The following CEP350 variants were observed in gnomAD, a reference collection of about 807,000 sequenced individuals.
CEP350 encodes the protein centrosomal protein 350.
Under a neutral mutation model 331.8 loss-of-function variants are expected in CEP350, and 126 were observed. That is an observed-to-expected ratio of 0.38 (90% CI 0.33 to 0.44). The LOEUF is 0.44. Among genes scored for constraint, CEP350 ranks in the 20% least tolerant of loss-of-function variants. The probability of loss-of-function intolerance (pLI) is 1.00; values close to 1 mark genes in which losing one functional copy is unlikely to be tolerated. For missense variants in CEP350, 3,406 were observed against 3,634.6 expected, an observed-to-expected ratio of 0.94 and a Z score of 1.62; for synonymous variants, 1,200 against 1,259.5, an observed-to-expected ratio of 0.95 and a Z score of 1.00.
In CEP350 at chr1:180,036,976, C is replaced by G. The variant is rs1201717500; in HGVS notation, c.3997C>G (p.Leu1333Val). Reference sequence around the variant, plus strand: ...CCTCCATCATCGTATGGCAGCAGAACTCAGTTATCTGAACGCCATTGAGGA... The same window carrying G: ...CCTCCATCATCGTATGGCAGCAGAAGTCAGTTATCTGAACGCCATTGAGGA... ...AGLHHRMAAELSYLNAIEESV... is the reference protein window; with the variant it reads ...AGLHHRMAAEVSYLNAIEESV... The change falls in exon 17 of 38, where the codon CTC becomes GTC. Residue 1333 changes from leucine to valine, a missense_variant. Coordinates refer to ENST00000367607, the MANE Select transcript of CEP350 (RefSeq NM_014810.5). The G allele has an allele frequency of 6.3e-7, 1 of 1,594,684 alleles. No homozygotes were observed. Among genetic ancestry groups the G allele is most frequent in the South Asian group, 1.2e-5 (1 of 86,940 alleles).
intron 1 of CEP350, among the ~76,000 whole-genome samples, chr1:179,959,616 T>C (rs984965777): frequency 4.6e-5 from 7 of 151,992 alleles, no homozygotes; most frequent in Non-Finnish European, 1.5e-5. Flanking sequence ...TAGCTGGGCA[T>C]GGTGGCAGGC....
intron 1 of CEP350, chr1:179,968,938 C>G (rs950180514): frequency 6.6e-6 from 5 of 757,792 alleles, no homozygotes; most frequent in Non-Finnish European, 1.2e-5. Context: ...TGGAGCCACT[C>G]CAATTGCTGA....
chr1:179,996,966 T>A lies in CEP350; in HGVS notation c.809T>A (p.Leu270Ter). ...ACTAGTACTTCTAATTCCCAAAGAT[T>A]AGATATTCTAAAGCGGCGACAACAT... ...SSTSTSNSQR[L>*]DILKRRQHDV... Residue 270 changes from leucine (L) to a stop codon, truncating the protein, a stop_gained, in exon 6 of 38, where the codon TTA becomes TAA. Coordinates refer to ENST00000367607, the MANE Select transcript of CEP350 (RefSeq NM_014810.5). LOFTEE classifies it high-confidence loss of function. 6.2e-7 allele frequency: 1 copy of A among 1,614,014 alleles called. No individual in the cohort carries two copies. Among genetic ancestry groups the A allele is most frequent in the African/African-American group, 1.3e-5 (1 of 75,038 alleles).
chr1:180,050,181 C>T (rs1334141262), intron 22 of CEP350, among the ~76,000 whole-genome samples: 4 of 152,144 alleles, frequency 2.6e-5, no homozygotes, highest in Non-Finnish European at 5.9e-5. Context: ...TTCTTAGGTA[C>T]GTAACACCTC....
intron 3 of CEP350, among the ~76,000 whole-genome samples, chr1:179,987,489 A>T (rs990965098): frequency 6.8e-6 from 1 of 147,980 alleles, no homozygotes; most frequent in African/African-American, 2.5e-5. Flanking sequence ...ATACTTATAT[A>T]CATAGTATAT....
chr1:180,037,663 T>C (rs1656457661), intron 17 of CEP350, among the ~76,000 whole-genome samples: 2 of 152,118 alleles, frequency 1.3e-5, no homozygotes, highest in South Asian at 4.1e-4. Context: ...TATTTATTTA[T>C]TTTTTTGAGT....
rs142964777 is a variant in CEP350 at position 180,114,146 on chromosome 1, A to T, written c.*2985A>T. On this transcript the variant is annotated 3_prime_UTR_variant, in exon 38 of 38. Transcript: ENST00000367607. ...CAAAAGAGATTTCATTGCTCATAAG[A>T]GTGTTGTGGCCTATTGATAAAAACA... 6.4e-3 allele frequency: 978 copies of T among 152,656 alleles called. 8 individuals carry two copies. Among genetic ancestry groups the T allele is most frequent in the Admixed American group, 0.011 (162 of 15,284 alleles). 9.5% of individuals were successfully genotyped at this position (152,656 alleles called of 1,614,324 possible). A position where few individuals can be genotyped will look rare whatever the true frequency, so the allele number is the denominator to read the frequency against.
At chr1:180,007,137 C>T (rs976594681) in intron 8 of CEP350, among the ~76,000 whole-genome samples, 5 of 152,062 alleles carry the variant, frequency 3.3e-5, no homozygotes, top group Admixed American at 2.6e-4. Context: ...TAATGGGATT[C>T]CTGAGTCAAA....
Position 180,062,324 on chromosome 1 carries a change from A to G in CEP350, c.5367A>G (p.Ile1789Met). The G allele has an allele frequency of 6.2e-7, 1 of 1,610,884 alleles. No homozygotes were observed. Among genetic ancestry groups the G allele is most frequent in the Non-Finnish European group, 8.5e-7 (1 of 1,178,320 alleles). The change falls in exon 26 of 38, where the codon ATA becomes ATG. Residue 1789 changes from isoleucine to methionine, a missense_variant. This residue lies in a region of CEP350 where 1,415 missense variants were observed against 1,512.3 expected (regional missense o/e 0.94). Transcript: ENST00000367607. Reference sequence around the variant, plus strand: ...TAGAAAAGATCCGACAGACCACCATAAAACTACAGGAGAAATTGAAGTCTG... The same window carrying G: ...TAGAAAAGATCCGACAGACCACCATGAAACTACAGGAGAAATTGAAGTCTG... ...EEIEKIRQTTIKLQEKLKSAG... is the reference protein window; with the variant it reads ...EEIEKIRQTTMKLQEKLKSAG...
At chr1:180,104,196 T>C (rs1333407685) in intron 37 of CEP350, among the ~76,000 whole-genome samples, 3 of 151,136 alleles carry the variant, frequency 2.0e-5, no homozygotes. Context: ...TTGACAGCTG[T>C]AGTTTTCTTG....
At chr1:180,049,764 G>A (rs1385446466) in intron 22 of CEP350, among the ~76,000 whole-genome samples, 1 of 152,072 alleles carries the variant, frequency 6.6e-6, no homozygotes, top group African/African-American at 2.4e-5. Context: ...GGCTGATCTC[G>A]AACTCCTGAC....
At chr1:180,054,338 A>C (rs951679377) in intron 24 of CEP350, 77 bp from the exon 25 acceptor site, 8 of 1,162,318 alleles carry the variant, frequency 6.9e-6, no homozygotes, top group African/African-American at 3.1e-5. Context: ...ACTTTTTAGT[A>C]GTCAAGAATT....
At position 179,972,260 on chromosome 1, in the gene CEP350, C is replaced by T. The variant is rs1256099093; in HGVS notation, c.-13-13909C>T. On this transcript the variant is annotated intron_variant, in intron 1 of 37. Coordinates refer to ENST00000367607, the MANE Select transcript of CEP350 (RefSeq NM_014810.5). The stretch of plus-strand genomic sequence containing the variant: ...CTTTTGCAAGAGTGAGGTCGCCCAG[C>T]GAGAGAGTATAGTGTTAGAAGCAAA... 3.3e-5 allele frequency among the ~76,000 whole-genome samples: 5 copies of T among 152,074 alleles called. No homozygotes were observed. The South Asian group carries it at 8.3e-4, about 25-fold the overall frequency.
intron 29 of CEP350, among the ~76,000 whole-genome samples, chr1:180,079,450 C>A (rs1183266278): frequency 6.6e-6 from 1 of 151,820 alleles, no homozygotes; most frequent in Non-Finnish European, 1.5e-5. Context: ...ATTTGTGTTA[C>A]AGCACCTAGA....
intron 21 of CEP350, among the ~76,000 whole-genome samples, chr1:180,046,583 G>A (rs1657135450): frequency 6.6e-6 from 1 of 152,130 alleles, no homozygotes; most frequent in South Asian, 2.1e-4. Context: ...CATTTCTCTT[G>A]AGTATATATT....
chr1:180,089,409 C>A (rs1332085908), intron 32 of CEP350, among the ~76,000 whole-genome samples: 5 of 151,848 alleles, frequency 3.3e-5, no homozygotes, highest in African/African-American at 1.2e-4. Context: ...ATGGTGAAAC[C>A]CCATCTCTAC....
intron 7 of CEP350, among the ~76,000 whole-genome samples, chr1:180,004,878 GCTTGCTTGCTT>G (rs1558092864): frequency 0.029 from 2,746 of 93,616 alleles, 54 homozygotes; most frequent in South Asian, 0.044. Flanking sequence ...TGGCTGGCTT[GCTTGCTTGCTT>G]GCTTGCTTGC....
In CEP350 at chr1:179,996,881, A is replaced by G; in HGVS notation, c.724A>G (p.Asn242Asp). Reference sequence around the variant, plus strand: ...GAATAATTTGAAGCTTTCTGTGAATAACATGGCCCATGATACTGATCCAAA... The same window carrying G: ...GAATAATTTGAAGCTTTCTGTGAATGACATGGCCCATGATACTGATCCAAA... ...SENNLKLSVN[N>D]MAHDTDPKAL... The change falls in exon 6 of 38, where the codon AAC becomes GAC. Residue 242 changes from asparagine to aspartate, a missense_variant. Transcript: ENST00000367607. 1 of 1,614,024 alleles carries G rather than the reference A, an allele frequency of 6.2e-7. No individual in the cohort carries two copies. The highest frequency in any genetic ancestry group is 8.5e-7 in the Non-Finnish European group (1 of 1,179,862).
At chr1:179,971,533 C>A (rs1651454289) in intron 1 of CEP350, among the ~76,000 whole-genome samples, 1 of 152,108 alleles carries the variant, frequency 6.6e-6, no homozygotes, top group African/African-American at 2.4e-5. Flanking sequence ...ACTTTGTTGT[C>A]CAGGCTGGTC....
Sources: allele counts gnomAD v4.1 joint callset (sites outside exome capture counted in the v4.1 genomes callset), GRCh38; gene constraint gnomAD v4.1.1; regional missense constraint gnomAD v4.1.1; transcripts MANE v1.5; gene names NCBI Gene and HGNC (gene_info 2026-07-23, HGNC 2026-07-21).